Variants in HDAC10 observed in about 807,000 individuals in gnomAD.
HDAC10 encodes the protein polyamine deacetylase HDAC10.
A neutral mutation model predicts 82.3 loss-of-function variants in HDAC10; 90 were observed. The observed-to-expected ratio is 1.09, with a 90% CI of 0.92 to 1.30. The LOEUF is 1.30. Ranked by LOEUF, HDAC10 falls within the 50% of genes most tolerant of loss-of-function variation. The pLI is 0.00. For synonymous variants in HDAC10, 456 were observed against 391.7 expected, an observed-to-expected ratio of 1.16 and a Z score of -1.94; for missense variants, 934 against 876.3, an observed-to-expected ratio of 1.07 and a Z score of -0.83.
Position 50,249,005 on chromosome 22 carries a change from G to A in HDAC10, c.756+98C>T. The A allele has an allele frequency of 2.8e-6, 4 of 1,440,254 alleles. No homozygotes were observed. Among genetic ancestry groups the A allele is most frequent in the Admixed American group, 1.9e-5 (1 of 51,554 alleles). 89.2% of individuals were successfully genotyped at this position (1,440,254 alleles called of 1,614,324 possible). A position where few individuals can be genotyped will look rare whatever the true frequency, so the allele number is the denominator to read the frequency against. On this transcript the variant is annotated intron_variant, in intron 8 of 19. Coordinates refer to ENST00000216271, the MANE Select transcript of HDAC10 (RefSeq NM_032019.6). This position sits in a 1 kb window ranked among gnomAD's most constrained non-coding sequence, Gnocchi z 4.4. ...CACCTTCCCCAGCCACACAGGAGTG[G>A]GACAGCTCATAACCCTCCTCCTGCC...
Position 50,249,649 on chromosome 22 carries a change from A to G in HDAC10, c.549T>C (p.Phe183=). The G allele has an allele frequency of 6.2e-7, 1 of 1,612,902 alleles. No homozygotes were observed. The highest frequency in any genetic ancestry group is 2.2e-5 in the East Asian group (1 of 44,864). Residue 183 remains phenylalanine (F), a synonymous_variant, in exon 6 of 20, where the codon TTT becomes TTC. Transcript: ENST00000216271. The surrounding 1 kb of genome is among the most constrained non-coding windows in gnomAD (Gnocchi z 4.4). ...CCCCTGCTCACCTGGGGTCATCCTC[A>G]AAGAGATACTGGATCCCCTGGCCAT... The part of the protein sequence containing the change: ...VHHGQGIQYL[F]EDDPSVLYFS...
rs1445485176 is a variant in HDAC10 at position 50,249,678 on chromosome 22, G to A, written c.520C>T (p.His174Tyr). 3 of 1,612,772 alleles carry A rather than the reference G, an allele frequency of 1.9e-6. No homozygotes were observed. The highest frequency in any genetic ancestry group is 2.5e-6 in the Non-Finnish European group (3 of 1,179,984). The part of the protein sequence containing the change: ...HRILVVDWDV[H>Y]HGQGIQYLFE... ...AGATACTGGATCCCCTGGCCATGGT[G>A]CACATCCCAGTCCACGACGAGGATC... is the stretch of plus-strand genomic sequence containing the variant. Residue 174 changes from histidine to tyrosine, a missense_variant, in exon 6 of 20, where the codon CAC becomes TAC. Physicochemically the swap from His to Tyr is moderately conservative, Grantham distance 83 (BLOSUM62 2). Coordinates refer to ENST00000216271, the MANE Select transcript of HDAC10 (RefSeq NM_032019.6). The surrounding 1 kb of genome is among the most constrained non-coding windows in gnomAD (Gnocchi z 4.4).
In HDAC10 at chr22:50,249,056, G is replaced by T. The variant is rs1361414573; in HGVS notation, c.756+47C>A. 6.6e-7 allele frequency: 1 copy of T among 1,515,908 alleles called. No individual in the cohort carries two copies. The highest frequency in any genetic ancestry group is 1.4e-5 in the African/African-American group (1 of 72,828). 93.9% of individuals were successfully genotyped at this position (1,515,908 alleles called of 1,614,324 possible). On this transcript the variant is annotated intron_variant, in intron 8 of 19. Transcript: ENST00000216271. This position sits in a 1 kb window ranked among gnomAD's most constrained non-coding sequence, Gnocchi z 4.4. ...TTCACTGGCGCACTCCAGGCACAAG[G>T]TCCCCCTCCCACCCGGCTGCCCTGG...
chr22:50,250,397 G>A (rs1454014218), intron 3 of HDAC10, 30 bp downstream of exon 3: 6 of 1,598,912 alleles, frequency 3.8e-6, no homozygotes, highest in Admixed American at 3.3e-5. Flanking sequence ...ATGTGTGTCT[G>A]CACAGGTGAG....
intron 2 of HDAC10, 104 bp from the exon 3 acceptor site, chr22:50,250,627 T>G: frequency 1.5e-6 from 2 of 1,315,150 alleles, no homozygotes; most frequent in Non-Finnish European, 2.1e-6. Flanking sequence ...CCCTGTCACT[T>G]CCTCAAGCCT....
intron 14 of HDAC10, 57 bp downstream of exon 14, chr22:50,247,635 G>T: frequency 7.6e-7 from 1 of 1,309,846 alleles, no homozygotes; most frequent in Non-Finnish European, 1.1e-6. Context: ...TCGTTGGCAG[G>T]TCCTGGTCCC....
rs777730487 is a variant in HDAC10, at chr22:50,248,361, C to T, written c.1013+5G>A. Reference sequence around the variant, plus strand: ...CGGCCCTGCCCGCCCTACCTCCCCTCGCACCTCTGACATGGCGCCATTGGC... The same window carrying T: ...CGGCCCTGCCCGCCCTACCTCCCCTTGCACCTCTGACATGGCGCCATTGGC... On this transcript the variant is annotated splice_donor_5th_base_variant and intron_variant, in intron 11 of 19. Coordinates refer to ENST00000216271, the MANE Select transcript of HDAC10 (RefSeq NM_032019.6). This position sits in a 1 kb window ranked among gnomAD's most constrained non-coding sequence, Gnocchi z 5.4. 1.7e-5 allele frequency: 28 copies of T among 1,610,894 alleles called. No individual in the cohort carries two copies. Among genetic ancestry groups the T allele is most frequent in the East Asian group, 8.9e-5 (4 of 44,894 alleles).
At position 50,250,486 on chromosome 22, in the gene HDAC10, G is replaced by A. The variant is rs1230532719; in HGVS notation, c.232C>T (p.Leu78=). 3 of 1,612,958 alleles carry A rather than the reference G, an allele frequency of 1.9e-6. No homozygotes were observed. The highest frequency in any genetic ancestry group is 2.2e-5 in the East Asian group (1 of 44,882). The change falls in exon 3 of 20, where the codon CTA becomes TTA. Residue 78 remains leucine, a synonymous_variant. Transcript: ENST00000216271. ...YVSLVRETQV[L]GKEELQALSG... ...AGCGCCTGCAGCTCCTCCTTGCCTAGGACCTGGGTCTCCCTGACCAGGGAT... is the reference window on the plus strand; with the variant it reads ...AGCGCCTGCAGCTCCTCCTTGCCTAAGACCTGGGTCTCCCTGACCAGGGAT...
Position 50,250,526 on chromosome 22 carries a change from G to A in HDAC10, c.195-3C>T, listed in dbSNP as rs1404195911. ...TGACCAGGGATACATACTCTGGGCT[G>A]CATGCAGATGGGCAGGCAGGAGAGG... is the stretch of plus-strand genomic sequence containing the variant. On this transcript the variant is annotated splice_polypyrimidine_tract_variant and splice_region_variant and intron_variant, in intron 2 of 19. Transcript: ENST00000216271. The A allele has an allele frequency of 3.1e-6, 5 of 1,610,156 alleles. No homozygotes were observed. Among genetic ancestry groups the A allele is most frequent in the Non-Finnish European group, 4.2e-6 (5 of 1,177,878 alleles).
At position 50,248,360 on chromosome 22, in the gene HDAC10, T is replaced by G; in HGVS notation, c.1013+6A>C. The G allele has an allele frequency of 2.5e-6, 4 of 1,610,646 alleles. No individual in the cohort carries two copies. In the East Asian group the frequency reaches 8.9e-5, roughly 36 times the overall value. The stretch of plus-strand genomic sequence containing the variant: ...CCGGCCCTGCCCGCCCTACCTCCCC[T>G]CGCACCTCTGACATGGCGCCATTGG... On this transcript the variant is annotated splice_donor_region_variant and intron_variant, in intron 11 of 19. Coordinates refer to ENST00000216271, the MANE Select transcript of HDAC10 (RefSeq NM_032019.6). The surrounding 1 kb of genome is among the most constrained non-coding windows in gnomAD (Gnocchi z 5.4).
At position 50,245,663 on chromosome 22, in the gene HDAC10, A is replaced by G; in HGVS notation, c.1986+12T>C. 2 of 1,612,772 alleles carry G rather than the reference A, an allele frequency of 1.2e-6. No homozygotes were observed. The highest frequency in any genetic ancestry group is 4.5e-5 in the East Asian group (2 of 44,854). ...CCCCAGGGCAGGGCCATGCCTCCGC[A>G]GTCAGCCTCACCTGCAACATCTTCC... On this transcript the variant is annotated intron_variant, in intron 19 of 19. Transcript: ENST00000216271.
At chr22:50,246,797 C>G in intron 15 of HDAC10, 62 bp from the exon 16 acceptor site, 1 of 1,603,392 alleles carries the variant, frequency 6.2e-7, no homozygotes, top group Non-Finnish European at 8.5e-7. Flanking sequence ...TCCCAGAACT[C>G]TCTGTGCTTG....
intron 16 of HDAC10, 133 bp from the exon 17 acceptor site, chr22:50,246,509 A>G (rs2064950813): frequency 9.8e-7 from 1 of 1,016,392 alleles, no homozygotes; most frequent in Admixed American, 1.8e-5. Context: ...TGTGCTGGAG[A>G]CCCACCTGGC....
In HDAC10 at chr22:50,249,526, G is replaced by A. The variant is rs528331729; in HGVS notation, c.564-72C>T. 20 of 1,605,714 alleles carry A rather than the reference G, an allele frequency of 1.2e-5. No individual in the cohort carries two copies. Among genetic ancestry groups the A allele is most frequent in the South Asian group, 4.4e-5 (4 of 90,742 alleles). Reference sequence around the variant, plus strand: ...ACAGCTCTACAGCTCCCTGTAGAACGCTGACCCCTGAGCACATGTCTGTAT... The same window carrying A: ...ACAGCTCTACAGCTCCCTGTAGAACACTGACCCCTGAGCACATGTCTGTAT... On this transcript the variant is annotated intron_variant, in intron 6 of 19. Coordinates refer to ENST00000216271, the MANE Select transcript of HDAC10 (RefSeq NM_032019.6). This position sits in a 1 kb window ranked among gnomAD's most constrained non-coding sequence, Gnocchi z 4.4.
chr22:50,251,254 C>G lies in HDAC10; in HGVS notation c.-222G>C, dbSNP rs923314105. 3 of 470,974 alleles carry G rather than the reference C, an allele frequency of 6.4e-6. No homozygotes were observed. The highest frequency in any genetic ancestry group is 2.0e-5 in the African/African-American group (1 of 48,904). 29.2% of individuals were successfully genotyped at this position (470,974 alleles called of 1,614,324 possible). ...GCGAGGCTGCAGTCGAAGGGGGAGGCTCCCCGCGCCTGGCTTCCGGCTTCC... is the reference window on the plus strand; with the variant it reads ...GCGAGGCTGCAGTCGAAGGGGGAGGGTCCCCGCGCCTGGCTTCCGGCTTCC... On this transcript the variant is annotated 5_prime_UTR_variant, in exon 1 of 20. Coordinates refer to ENST00000216271, the MANE Select transcript of HDAC10 (RefSeq NM_032019.6).
chr22:50,246,861 C>T lies in HDAC10; in HGVS notation c.1514+14G>A, dbSNP rs2142849. 1,503 of 1,606,854 alleles carry T rather than the reference C, an allele frequency of 9.4e-4. 13 individuals are homozygous for T. The African/African-American group carries it at 0.018, about 20-fold the overall frequency. Reference sequence around the variant, plus strand: ...CCTGCCGTCAGAGGCTCAGGATGGCCAAGTGAGGCTTACCTCTGGGCTCCG... The same window carrying T: ...CCTGCCGTCAGAGGCTCAGGATGGCTAAGTGAGGCTTACCTCTGGGCTCCG... On this transcript the variant is annotated intron_variant, in intron 15 of 19. Coordinates refer to ENST00000216271, the MANE Select transcript of HDAC10 (RefSeq NM_032019.6).
rs1208471835 is a variant in HDAC10 at position 50,245,365 on chromosome 22, G to A, written c.*142C>T. 1.4e-5 allele frequency: 9 copies of A among 663,498 alleles called. No individual in the cohort carries two copies. The highest frequency in any genetic ancestry group is 2.5e-5 in the Non-Finnish European group (9 of 363,562). The allele number at this position is 663,498 out of a possible 1,614,324, so 41.1% of individuals were successfully genotyped here. A position where few individuals can be genotyped will look rare whatever the true frequency, so the allele number is the denominator to read the frequency against. On this transcript the variant is annotated 3_prime_UTR_variant, in exon 20 of 20. Coordinates refer to ENST00000216271, the MANE Select transcript of HDAC10 (RefSeq NM_032019.6). ...AGCGGGGGAAGCACGGGTGGGAGAG[G>A]GCGGGGCGCGGGGATTGGGAGTGGG...
chr22:50,247,229 C>G (rs1030202923), intron 14 of HDAC10: 4 of 400,616 alleles, frequency 1.0e-5, no homozygotes, highest in Non-Finnish European at 1.8e-5. Flanking sequence ...GCCTCAAACT[C>G]CTGGGCTTAA....
In HDAC10 at chr22:50,245,767, T is replaced by G. The variant is rs773443019; in HGVS notation, c.1894A>C (p.Ser632Arg). ...GAGGCCACAGAGGAAGGGCCTAGGC[T>G]AGGAGGTGCCTCTCCATTCAGCACC... ...ARVLNGEAPP[S>R]LGPSSVASPE... The change falls in exon 19 of 20, where the codon AGC (serine) becomes CGC (arginine). Residue 632 changes from serine to arginine, a missense_variant. Physicochemically the swap from Ser to Arg is moderately radical, Grantham distance 110 (BLOSUM62 -1). Coordinates refer to ENST00000216271, the MANE Select transcript of HDAC10 (RefSeq NM_032019.6). 1 of 1,607,452 alleles carries G rather than the reference T, an allele frequency of 6.2e-7. No homozygotes were observed.
Sources: gnomAD v4.1 joint callset for allele counts on GRCh38, gnomAD v4.1.1 for gene constraint, Gnocchi (gnomAD v3.1) non-coding constraint, MANE v1.5 for transcripts, NCBI Gene and HGNC (gene_info 2026-07-23, HGNC 2026-07-21) for gene names.